Variants in AGBL1 observed in about 807,000 individuals in gnomAD.
The protein encoded by AGBL1 is cytosolic carboxypeptidase 4.
AGBL1 carries 130 observed loss-of-function variants against 118.9 expected under a neutral mutation model. The ratio of observed to expected loss-of-function variants is 1.09; its 90% CI spans 0.95 to 1.26. The LOEUF is 1.26. AGBL1 is among the 50% of genes most tolerant of loss of function. The pLI is 0.00. For missense variants in AGBL1, 1,584 were observed against 1,298.1 expected (o/e 1.22, Z -3.38); for synonymous variants, 555 against 478.9 (o/e 1.16, Z -2.08).
intron 24 of AGBL1, among the ~76,000 whole-genome samples, chr15:87,015,399 ACCTATTTTTCTATCTGT>A (rs1315574000): frequency 6.6e-6 from 1 of 151,752 alleles, no homozygotes; most frequent in Non-Finnish European, 1.5e-5. Flanking sequence ...CTATCTATCT[ACCTATTTTTCTATCTGT>A]CCTATTGGCT....
chr15:86,392,066 C>T (rs774323288), intron 17 of AGBL1, among the ~76,000 whole-genome samples: 16 of 152,060 alleles, frequency 1.1e-4, no homozygotes, highest in South Asian at 2.1e-4. Flanking sequence ...AAAAAGTAAA[C>T]ATTCCAGATA....
Position 86,129,269 on chromosome 15 carries a change from C to T in AGBL1, c.52-12735C>T, listed in dbSNP as rs572639781. ...TAAATTTAACTACGTTGTCACTTAA[C>T]CCTCTGTGTGTGTGCGTTTGTGTGT... On this transcript the variant is annotated intron_variant, in intron 1 of 22. Transcript: ENST00000614907. Among the ~76,000 whole-genome samples the T allele has an allele frequency of 1.6e-4, 25 of 152,226 alleles. No homozygotes were observed. In the South Asian group the frequency reaches 5.0e-3, roughly 30 times the overall value.
At chr15:86,208,881 T>A (rs2078042403) in intron 5 of AGBL1, among the ~76,000 whole-genome samples, 1 of 152,176 alleles carries the variant, frequency 6.6e-6, no homozygotes, top group South Asian at 2.1e-4. Flanking sequence ...TTGTTTGCTC[T>A]TCTCTACTTC....
intron 5 of AGBL1, among the ~76,000 whole-genome samples, chr15:86,202,595 T>TA (rs2077925119): frequency 6.6e-6 from 1 of 152,196 alleles, no homozygotes; most frequent in African/African-American, 2.4e-5. Context: ...TTCCACTGAC[T>TA]AACAATGCTT....
At chr15:86,810,716 G>A (rs546806764) in intron 22 of AGBL1, among the ~76,000 whole-genome samples, 18 of 152,088 alleles carry the variant, frequency 1.2e-4, no homozygotes, top group Non-Finnish European at 2.4e-4. Context: ...TTCCATCTCT[G>A]GTGTGCTTTC....
chr15:86,353,562 GA>G (rs1446285597), intron 17 of AGBL1, among the ~76,000 whole-genome samples: 1 of 152,130 alleles, frequency 6.6e-6, no homozygotes. Flanking sequence ...TTCACATTTA[GA>G]AAGATTTTCT....
chr15:86,988,176 C>G (rs984441441), intron 24 of AGBL1: 21 of 1,483,648 alleles, frequency 1.4e-5, no homozygotes, highest in Non-Finnish European at 1.8e-5. Flanking sequence ...TGGGACTGGA[C>G]AAAGAGAAAG....
At chr15:86,419,891 C>T (rs2081762627) in intron 18 of AGBL1, among the ~76,000 whole-genome samples, 1 of 152,160 alleles carries the variant, frequency 6.6e-6, no homozygotes, top group African/African-American at 2.4e-5. Flanking sequence ...AGCAAAGCTG[C>T]TGTAGCCAGA....
intron 17 of AGBL1, among the ~76,000 whole-genome samples, chr15:86,327,893 G>A (rs188125676): frequency 5.3e-5 from 8 of 152,250 alleles, no homozygotes; most frequent in East Asian, 3.9e-4. Flanking sequence ...GTCGGGGTAC[G>A]TCCTCCTGAG....
At chr15:86,317,103 A>G (rs954552166) in intron 17 of AGBL1, 2 of 152,266 alleles carry the variant, frequency 1.3e-5, no homozygotes, top group Admixed American at 6.5e-5. Context: ...CCTGCCTCTC[A>G]TCTGTTTCCG....
intron 22 of AGBL1, among the ~76,000 whole-genome samples, chr15:86,692,465 A>G (rs981929811): frequency 2.6e-5 from 4 of 152,142 alleles, no homozygotes. Flanking sequence ...TGGGGGCTGT[A>G]GAAGGACTAC....
At chr15:87,026,767 A>G (rs1462023656) in intron 24 of AGBL1, among the ~76,000 whole-genome samples, 3 of 152,122 alleles carry the variant, frequency 2.0e-5, no homozygotes, top group Non-Finnish European at 4.4e-5. Flanking sequence ...GTGGATAAAG[A>G]AACTGTGGTA....
intron 5 of AGBL1, among the ~76,000 whole-genome samples, chr15:86,184,947 A>C (rs1462147625): frequency 6.6e-6 from 1 of 152,190 alleles, no homozygotes; most frequent in Non-Finnish European, 1.5e-5. Context: ...CTGCACAGCA[A>C]AAGAAACTAC....
chr15:86,231,506 G>A (rs2035923666), intron 6 of AGBL1, among the ~76,000 whole-genome samples: 1 of 152,204 alleles, frequency 6.6e-6, no homozygotes, highest in Non-Finnish European at 1.5e-5. Flanking sequence ...TGTTACACTG[G>A]GATGGACGGC....
intron 1 of AGBL1, among the ~76,000 whole-genome samples, chr15:86,138,879 G>A (rs2076923836): frequency 6.6e-6 from 1 of 152,164 alleles, no homozygotes; most frequent in African/African-American, 2.4e-5. Context: ...ATGTTGATCA[G>A]GAAACTAATT....
rs986365951 is a variant in AGBL1, at chr15:86,635,906, C to A, written c.2995-38367C>A. On this transcript the variant is annotated intron_variant, in intron 21 of 22. Coordinates refer to ENST00000614907, the MANE Select transcript of AGBL1 (RefSeq NM_001386094.1). ...GAACTCCTGGCCCTAACTTTTGTGT[C>A]CCAACATTGGGTGAGTCAGCACAGT... Among the ~76,000 whole-genome samples, 11 of 152,224 alleles carry A rather than the reference C, an allele frequency of 7.2e-5. No homozygotes were observed. In the East Asian group the frequency reaches 1.9e-3, roughly 27 times the overall value.
chr15:87,018,605 A>T (rs2081631233), intron 24 of AGBL1, among the ~76,000 whole-genome samples: 2 of 152,154 alleles, frequency 1.3e-5, no homozygotes, highest in Admixed American at 1.3e-4. Context: ...AGAGCTCCTG[A>T]AGGAAGCACT....
chr15:86,545,513 G>A (rs1445972425), intron 19 of AGBL1, among the ~76,000 whole-genome samples: 1 of 151,974 alleles, frequency 6.6e-6, no homozygotes. Flanking sequence ...ATTAAGCCTA[G>A]TACCCATTAG....
At chr15:86,873,239 C>A (rs2079754999) in intron 22 of AGBL1, among the ~76,000 whole-genome samples, 1 of 152,040 alleles carries the variant, frequency 6.6e-6, no homozygotes, top group South Asian at 2.1e-4. Flanking sequence ...AGTGTGGGAG[C>A]AAAGGCATGT....
Sources: gnomAD v4.1 joint callset for allele counts (sites outside exome capture counted in the v4.1 genomes callset) on GRCh38, gnomAD v4.1.1 for gene constraint, MANE v1.5 for transcripts, NCBI Gene and HGNC (gene_info 2026-07-23, HGNC 2026-07-21) for gene names.